Variants in ERCC8 observed in about 807,000 individuals in gnomAD.
ERCC8 encodes the protein DNA excision repair protein ERCC-8.
In ERCC8, 52 loss-of-function variants were observed where a neutral mutation model predicts 54.9. The observed-to-expected ratio is 0.95, with a 90% CI of 0.76 to 1.19. The LOEUF (loss-of-function observed/expected upper bound fraction) is 1.19. Among genes scored for constraint, ERCC8 ranks in the 50% most tolerant of loss-of-function variants. The pLI is 0.00. For missense variants in ERCC8, 514 were observed against 466.1 expected (o/e 1.10, Z -0.95); for synonymous variants, 146 against 157.2 (o/e 0.93, Z 0.53).
chr5:60,930,935 C>T (rs952346003), intron 1 of ERCC8, among the ~76,000 whole-genome samples: 5 of 151,902 alleles, frequency 3.3e-5, no homozygotes, highest in Non-Finnish European at 5.9e-5. Context: ...GGTGAAACCC[C>T]GTCTCTACTA....
chr5:60,909,194 G>A (rs1749170778), intron 4 of ERCC8, among the ~76,000 whole-genome samples: 2 of 114,266 alleles, frequency 1.8e-5, no homozygotes, highest in East Asian at 3.1e-4. Context: ...CGAGGACAAA[G>A]GATATCTGCC....
chr5:60,900,448 G>A (rs1382915), intron 7 of ERCC8, among the ~76,000 whole-genome samples: 1,694 of 151,934 alleles, frequency 0.011, 38 homozygotes, highest in African/African-American at 0.039. Context: ...TCCTCACAAG[G>A]ACCTCAACAA....
chr5:60,939,655 C>G (rs1175188006), intron 1 of ERCC8, among the ~76,000 whole-genome samples: 1 of 151,882 alleles, frequency 6.6e-6, no homozygotes, highest in African/African-American at 2.4e-5. Context: ...CGGAGCACGC[C>G]CGGCTGATTT....
At chr5:60,875,771 A>G (rs569503702) in intron 11 of ERCC8, among the ~76,000 whole-genome samples, 1 of 152,244 alleles carries the variant, frequency 6.6e-6, no homozygotes, top group South Asian at 2.1e-4. Flanking sequence ...ATCTCCGCTC[A>G]CTGCAAGCTC....
chr5:60,901,032 C>T (rs1472000200), intron 7 of ERCC8, among the ~76,000 whole-genome samples: 2 of 151,990 alleles, frequency 1.3e-5, no homozygotes, highest in East Asian at 3.9e-4. Context: ...GGGGCCTGAA[C>T]TGTGACAGGG....
At chr5:60,904,325 A>T (rs1026976651) in intron 5 of ERCC8, among the ~76,000 whole-genome samples, 3 of 152,158 alleles carry the variant, frequency 2.0e-5, no homozygotes, top group South Asian at 4.1e-4. Flanking sequence ...ACCTGATACC[A>T]GAAAATCATT....
chr5:60,892,592 A>C (rs1348543648), intron 9 of ERCC8: 2 of 671,762 alleles, frequency 3.0e-6, no homozygotes, highest in African/African-American at 3.6e-5. Flanking sequence ...GAAAGTGCTC[A>C]GTAGTCTGGT....
intron 9 of ERCC8, chr5:60,893,532 T>C (rs1314811925): frequency 6.7e-6 from 5 of 750,936 alleles, no homozygotes; most frequent in African/African-American, 1.7e-5. Context: ...TTACAGCCCT[T>C]GGAAACTTTA....
Position 60,866,821 on chromosome 5 carries a change from T to C in ERCC8, c.*7794A>G, listed in dbSNP as rs143871676. The C allele has an allele frequency of 1.3e-4, 20 of 152,270 alleles. No individual in the cohort carries two copies. In the East Asian group the frequency reaches 3.9e-3, roughly 29 times the overall value. The allele number at this position is 152,270 out of a possible 1,614,324, so 9.4% of individuals were successfully genotyped here. A position where few individuals can be genotyped will look rare whatever the true frequency, so the allele number is the denominator to read the frequency against. ...ATTTTAGAGCAGGAATGAACCTTAA[T>C]AATTTTCTATTCCAGTTTTCTGTCC... is the stretch of plus-strand genomic sequence containing the variant. On this transcript the variant is annotated 3_prime_UTR_variant, in exon 12 of 12. Coordinates refer to ENST00000676185, the MANE Select transcript of ERCC8 (RefSeq NM_000082.4).
intron 2 of ERCC8, among the ~76,000 whole-genome samples, chr5:60,925,321 T>C (rs2112527298): frequency 6.6e-6 from 1 of 152,328 alleles, no homozygotes; most frequent in African/African-American, 2.4e-5. Context: ...TTTGTTTCTA[T>C]TGTCTCTGTA....
intron 7 of ERCC8, among the ~76,000 whole-genome samples, chr5:60,901,443 C>G (rs2112490118): frequency 6.6e-6 from 1 of 152,094 alleles, no homozygotes; most frequent in East Asian, 1.9e-4. Context: ...TTAATCAGCT[C>G]CCTCACTCTT....
At chr5:60,917,754 T>C (rs1047061424) in intron 4 of ERCC8, among the ~76,000 whole-genome samples, 3 of 152,010 alleles carry the variant, frequency 2.0e-5, no homozygotes, top group Admixed American at 2.0e-4. Context: ...GAGAAAAGAT[T>C]AGCACTCGGA....
intron 1 of ERCC8, 38 bp from the exon 2 acceptor site, chr5:60,928,997 A>G (rs1378705923): frequency 1.7e-6 from 2 of 1,207,986 alleles, no homozygotes; most frequent in African/African-American, 1.5e-5. Context: ...TTAACAAGTA[A>G]TTTAACATTT....
In ERCC8 at chr5:60,904,889, C is replaced by T. The variant is rs1370086427; in HGVS notation, c.400-16G>A. The T allele has an allele frequency of 7.8e-7, 1 of 1,288,228 alleles. No individual in the cohort carries two copies. Among genetic ancestry groups the T allele is most frequent in the Non-Finnish European group, 1.1e-6 (1 of 884,122 alleles). The allele number at this position is 1,288,228 out of a possible 1,614,324, so 79.8% of individuals were successfully genotyped here. On this transcript the variant is annotated splice_polypyrimidine_tract_variant and intron_variant, in intron 4 of 11. Coordinates refer to ENST00000676185, the MANE Select transcript of ERCC8 (RefSeq NM_000082.4). ...CATCTGCAGTCTGGTAATCAAAAGA[C>T]ATTTAAAAAGTATAAGGTTTAAGTA...
intron 1 of ERCC8, among the ~76,000 whole-genome samples, chr5:60,932,424 A>T (rs1267771800): frequency 6.6e-6 from 1 of 152,118 alleles, no homozygotes; most frequent in Non-Finnish European, 1.5e-5. Flanking sequence ...TACTTTTGGG[A>T]GTCTGGAATT....
At position 60,890,936 on chromosome 5, in the gene ERCC8, C is replaced by A. The variant is rs1257945890; in HGVS notation, c.994G>T (p.Gly332Ter). 8 of 1,613,428 alleles carry A rather than the reference C, an allele frequency of 5.0e-6. No homozygotes were observed. Among genetic ancestry groups the A allele is most frequent in the African/African-American group, 2.7e-5 (2 of 74,894 alleles). Residue 332 changes from glycine to a stop codon, truncating the protein, a stop_gained, in exon 10 of 12, where the codon GGA (glycine) becomes TGA (stop). Coordinates refer to ENST00000676185, the MANE Select transcript of ERCC8 (RefSeq NM_000082.4). LOFTEE classifies it high-confidence loss of function. ...YSGEQITMLK[G>*]HYKTVDCCVF... ...CAGCAGTCAACAGTTTTATAATGTC[C>A]CTTAAGCATAGTTATCTGTTCTCCT...
chr5:60,926,719 A>G (rs1283448777), intron 2 of ERCC8, among the ~76,000 whole-genome samples: 1 of 152,244 alleles, frequency 6.6e-6, no homozygotes, highest in Non-Finnish European at 1.5e-5. Flanking sequence ...TGTGAGTTAC[A>G]TGTATACTAC....
intron 2 of ERCC8, chr5:60,924,450 T>C (rs1749691650): frequency 6.5e-6 from 1 of 154,548 alleles, no homozygotes; most frequent in Admixed American, 6.6e-5. Context: ...TTTGGCTGGA[T>C]ATAAAATCCT....
chr5:60,885,383 A>G (rs1294842367), intron 11 of ERCC8, among the ~76,000 whole-genome samples: 2 of 152,140 alleles, frequency 1.3e-5, no homozygotes, highest in East Asian at 3.8e-4. Flanking sequence ...AAGTCACTAT[A>G]GATTTACTTT....
Sources: allele counts gnomAD v4.1 joint callset (sites outside exome capture counted in the v4.1 genomes callset), GRCh38; gene constraint gnomAD v4.1.1; transcripts MANE v1.5; gene names NCBI Gene and HGNC (gene_info 2026-07-23, HGNC 2026-07-21).